The following CRNKL1 variants were observed in gnomAD, a reference collection of about 807,000 sequenced individuals.
CRNKL1 encodes the protein crooked neck pre-mRNA splicing factor 1.
CRNKL1 carries 35 observed loss-of-function variants against 103.7 expected under a neutral mutation model. The ratio of observed to expected loss-of-function variants is 0.34; its 90% CI spans 0.26 to 0.45. The LOEUF (loss-of-function observed/expected upper bound fraction) is 0.45. Among genes scored for constraint, CRNKL1 ranks in the 20% least tolerant of loss-of-function variants. CRNKL1 has a pLI of 1.00. For missense variants in CRNKL1, 645 were observed against 836.0 expected (o/e 0.77, Z 2.82); for synonymous variants, 267 against 282.6 (o/e 0.94, Z 0.55).
chr20:20,043,774 T>A, intron 6 of CRNKL1, 112 bp from the exon 7 acceptor site: 1 of 941,392 alleles, frequency 1.1e-6, no homozygotes, highest in Non-Finnish European at 1.6e-6. Flanking sequence ...TGAGGCCTCA[T>A]AATATCCAGA....
chr20:20,050,079 A>C (rs2043662609), intron 2 of CRNKL1, among the ~76,000 whole-genome samples: 1 of 152,160 alleles, frequency 6.6e-6, no homozygotes, highest in Non-Finnish European at 1.5e-5. Flanking sequence ...GGCCTCCCAA[A>C]GTGTTGGGAT....
chr20:20,040,791 T>A, intron 9 of CRNKL1, 25 bp from the exon 10 acceptor site: 1 of 1,511,644 alleles, frequency 6.6e-7, no homozygotes, highest in Non-Finnish European at 9.1e-7. Context: ...CACAAAAATA[T>A]CTAGCTTAAA....
In CRNKL1 at chr20:20,039,793, A is replaced by G; in HGVS notation, c.1361T>C (p.Leu454Ser). ...GTCAAATTCTCGAAGCTGTAGCTCC[A>G]ATTCTATGTAAACTTTAAATAATTT... ...KNKLFKVYIE[L>S]ELQLREFDRC... Residue 454 changes from leucine (L) to serine (S), a missense_variant, in exon 11 of 14, where the codon TTG becomes TCG. Physicochemically the swap from Leu to Ser is moderately radical, Grantham distance 145. Around this residue, in one of 2 missense-constraint regions of CRNKL1, gnomAD observed 582 missense variants for 707.7 expected, o/e 0.82. Coordinates refer to ENST00000536226, the MANE Select transcript of CRNKL1 (RefSeq NM_001278628.2). 1 of 1,614,156 alleles carries G rather than the reference A, an allele frequency of 6.2e-7. No individual in the cohort carries two copies. The highest frequency in any genetic ancestry group is 8.5e-7 in the Non-Finnish European group (1 of 1,179,980).
intron 5 of CRNKL1, among the ~76,000 whole-genome samples, chr20:20,047,518 C>T (rs1173295126): frequency 6.6e-6 from 1 of 152,158 alleles, no homozygotes; most frequent in African/African-American, 2.4e-5. Context: ...CACAAGGAAA[C>T]ATTAGCTTTT....
Position 20,036,412 on chromosome 20 carries a change from C to T in CRNKL1, c.1897-50G>A, listed in dbSNP as rs755458306. The T allele has an allele frequency of 6.4e-5, 100 of 1,552,988 alleles. 2 individuals are homozygous for T. The Middle Eastern group carries it at 1.5e-3, about 24-fold the overall frequency. On this transcript the variant is annotated intron_variant, in intron 13 of 13. Coordinates refer to ENST00000536226, the MANE Select transcript of CRNKL1 (RefSeq NM_001278628.2). ...TAAGCAAACGTGGGTGATATACTCACATATCAGAGTGAAGAATTTTTACTG... is the reference window on the plus strand; with the variant it reads ...TAAGCAAACGTGGGTGATATACTCATATATCAGAGTGAAGAATTTTTACTG...
At position 20,037,478 on chromosome 20, in the gene CRNKL1, T is replaced by A. The variant is rs2043439558; in HGVS notation, c.1741A>T (p.Met581Leu). Reference sequence around the variant, plus strand: ...TCTTCCTTTTCTTCACAGTTTCGCATGGTTTTGTTAGCTTCTTCATAAATT... The same window carrying A: ...TCTTCCTTTTCTTCACAGTTTCGCAAGGTTTTGTTAGCTTCTTCATAAATT... ...RQIYEEANKT[M>L]RNCEEKEERL... is the part of the protein sequence containing the mutation. The change falls in exon 13 of 14, where the codon ATG becomes TTG. Residue 581 changes from methionine to leucine, a missense_variant. Around this residue, in one of 2 missense-constraint regions of CRNKL1, gnomAD observed 582 missense variants for 707.7 expected, o/e 0.82. Coordinates refer to ENST00000536226, the MANE Select transcript of CRNKL1 (RefSeq NM_001278628.2). The A allele has an allele frequency of 3.7e-6, 6 of 1,614,212 alleles. No homozygotes were observed. Among genetic ancestry groups the A allele is most frequent in the Non-Finnish European group, 5.1e-6 (6 of 1,180,036 alleles).
upstream of CRNKL1, among the ~76,000 whole-genome samples, chr20:20,055,366 G>T (rs750110266): frequency 5.9e-5 from 9 of 152,162 alleles, no homozygotes; most frequent in Non-Finnish European, 1.2e-4. Context: ...TTTCTACCTA[G>T]AGCTTTGTGT....
intron 2 of CRNKL1, 39 bp from the exon 3 acceptor site, chr20:20,049,470 G>T (rs2043648948): frequency 1.0e-6 from 1 of 999,664 alleles, no homozygotes; most frequent in Non-Finnish European, 1.6e-6. Flanking sequence ...AAAGACAAAT[G>T]ACTAAAAATG....
At chr20:20,039,882 T>C (rs1008818049) in intron 10 of CRNKL1, 34 bp from the exon 11 acceptor site, 9 of 1,606,216 alleles carry the variant, frequency 5.6e-6, no homozygotes, top group African/African-American at 5.4e-5. Flanking sequence ...ACTGTGATAC[T>C]GTAGTGGATT....
At chr20:20,053,248 C>CAA (rs58910538), upstream of CRNKL1, among the ~76,000 whole-genome samples, 21,491 of 152,066 alleles carry the variant, frequency 0.14, 1,658 homozygotes, top group East Asian at 0.22. Context: ...TTTTAATAGA[C>CAA]ATTTTTAGAG....
chr20:20,036,148 A>C lies in CRNKL1; in HGVS notation c.*47T>G, dbSNP rs746359428. The stretch of plus-strand genomic sequence containing the variant: ...CTTCCAGGAGTCACAAGAGTTCCAA[A>C]CAATTAATTTATAAAAATAACAAAA... On this transcript the variant is annotated 3_prime_UTR_variant, in exon 14 of 14. Coordinates refer to ENST00000536226, the MANE Select transcript of CRNKL1 (RefSeq NM_001278628.2). 1 of 1,583,780 alleles carries C rather than the reference A, an allele frequency of 6.3e-7. No homozygotes were observed. Among genetic ancestry groups the C allele is most frequent in the Non-Finnish European group, 8.6e-7 (1 of 1,161,846 alleles).
At position 20,035,138 on chromosome 20, in the gene CRNKL1, C is replaced by T. The variant is rs2043399551; in HGVS notation, c.*1057G>A. 6.6e-6 allele frequency: 1 copy of T among 152,120 alleles called. No individual in the cohort carries two copies. The highest frequency in any genetic ancestry group is 2.4e-5 in the African/African-American group (1 of 41,418). The allele number at this position is 152,120 out of a possible 1,614,324, so 9.4% of individuals were successfully genotyped here. On this transcript the variant is annotated 3_prime_UTR_variant, in exon 14 of 14. Coordinates refer to ENST00000536226, the MANE Select transcript of CRNKL1 (RefSeq NM_001278628.2). ...AGGTGTTTCTACACATGCTCTAAAC[C>T]AAGAGTAAGTTTAACATGTCAGCAG...
In CRNKL1 at chr20:20,045,339, G is replaced by C; in HGVS notation, c.770C>G (p.Ala257Gly). Residue 257 changes from alanine to glycine, a missense_variant, in exon 6 of 14, where the codon GCC (alanine) becomes GGC (glycine). Physicochemically the swap from Ala to Gly is moderately conservative, Grantham distance 60. This residue lies in a region of CRNKL1 where 582 missense variants were observed against 707.7 expected (regional missense o/e 0.82). Coordinates refer to ENST00000536226, the MANE Select transcript of CRNKL1 (RefSeq NM_001278628.2). ...DEHMDEHLYV[A>G]FAKFEENQKE... ...CTGATTTTCTTCAAACTTGGCAAAG[G>C]CAACATAAAGGTGCTCATCCATATG... The C allele has an allele frequency of 6.2e-7, 1 of 1,609,266 alleles. No homozygotes were observed. Among genetic ancestry groups the C allele is most frequent in the South Asian group, 1.1e-5 (1 of 90,360 alleles).
intron 3 of CRNKL1, among the ~76,000 whole-genome samples, chr20:20,048,930 CA>C (rs1167357575): frequency 3.9e-5 from 6 of 152,106 alleles, no homozygotes; most frequent in African/African-American, 1.4e-4. Flanking sequence ...GGCACATACA[CA>C]GGCACAGTGG....
chr20:20,043,676 G>C lies in CRNKL1; in HGVS notation c.802-14C>G, dbSNP rs774515366. 6.2e-7 allele frequency: 1 copy of C among 1,607,368 alleles called. No individual in the cohort carries two copies. Among genetic ancestry groups the C allele is most frequent in the Non-Finnish European group, 8.5e-7 (1 of 1,174,520 alleles). On this transcript the variant is annotated splice_polypyrimidine_tract_variant and intron_variant, in intron 6 of 13. Coordinates refer to ENST00000536226, the MANE Select transcript of CRNKL1 (RefSeq NM_001278628.2). ...TACCCTTTCAAACTAAATGCAGACA[G>C]GATGATTACCTTCTATAACACAATA...
At chr20:20,048,299 TTTGC>T in intron 4 of CRNKL1, 40 bp downstream of exon 4, 1 of 1,598,574 alleles carries the variant, frequency 6.3e-7, no homozygotes, top group South Asian at 1.1e-5. Context: ...GATGTGGAAC[TTTGC>T]TAGTCTATAA....
At position 20,040,786 on chromosome 20, in the gene CRNKL1, A is replaced by C; in HGVS notation, c.1225-20T>G. 6.5e-7 allele frequency: 1 copy of C among 1,540,464 alleles called. No individual in the cohort carries two copies. The highest frequency in any genetic ancestry group is 8.9e-7 in the Non-Finnish European group (1 of 1,120,802). On this transcript the variant is annotated intron_variant, in intron 9 of 13. Coordinates refer to ENST00000536226, the MANE Select transcript of CRNKL1 (RefSeq NM_001278628.2). ...TGTGAACTAGAAAACAAAAGCACAA[A>C]AATATCTAGCTTAAAAGCCTCATCC...
intron 5 of CRNKL1, among the ~76,000 whole-genome samples, chr20:20,046,325 T>C (rs958168044): frequency 2.6e-5 from 4 of 152,334 alleles, no homozygotes; most frequent in African/African-American, 7.2e-5. Context: ...CTTAGAATAC[T>C]GCCTGGCACG....
intron 6 of CRNKL1, among the ~76,000 whole-genome samples, chr20:20,044,340 G>T (rs2043561207): frequency 6.6e-6 from 1 of 152,172 alleles, no homozygotes. Context: ...TCCCTAGCAT[G>T]GTCCGTGCAA....
Sources: gnomAD v4.1 joint callset for allele counts (sites outside exome capture counted in the v4.1 genomes callset) on GRCh38, gnomAD v4.1.1 for gene constraint, gnomAD v4.1.1 regional missense constraint, MANE v1.5 for transcripts, NCBI Gene and HGNC (gene_info 2026-07-23, HGNC 2026-07-21) for gene names.